Variants in CSNK2A2IP observed in about 807,000 individuals in gnomAD.
CSNK2A2IP encodes casein kinase 2 subunit alpha' interacting protein.
At chr3:88,451,426 GT>G in the CSNK2A2IP span, among the ~76,000 whole-genome samples, 55,604 of 148,388 alleles carry the variant, frequency 0.37, 10,756 homozygotes, top group East Asian at 0.67. Context: ...TAAAATCAGG[GT>G]TTTTTTTTTT....
the CSNK2A2IP span, among the ~76,000 whole-genome samples, chr3:88,448,378 T>A: frequency 6.6e-6 from 1 of 152,212 alleles, no homozygotes; most frequent in East Asian, 1.9e-4. Context: ...TCTGTAACTA[T>A]GTATTTATAC....
At chr3:88,446,466 T>A in the CSNK2A2IP span, among the ~76,000 whole-genome samples, 1 of 152,208 alleles carries the variant, frequency 6.6e-6, no homozygotes, top group Non-Finnish European at 1.5e-5. Context: ...TGTAACTGTA[T>A]AGGAGAACAT....
the CSNK2A2IP span, among the ~76,000 whole-genome samples, chr3:88,387,036 A>G: frequency 6.6e-6 from 1 of 152,170 alleles, no homozygotes; most frequent in Non-Finnish European, 1.5e-5. Flanking sequence ...GTCAACAGGA[A>G]ACATGAAGAT....
chr3:88,447,065 T>C, the CSNK2A2IP span, among the ~76,000 whole-genome samples: 26 of 152,290 alleles, frequency 1.7e-4, no homozygotes, highest in Non-Finnish European at 3.2e-4. Flanking sequence ...ATTATTTTGG[T>C]AAATGACCAA....
At chr3:88,342,455 T>G in the CSNK2A2IP span, among the ~76,000 whole-genome samples, 1 of 151,950 alleles carries the variant, frequency 6.6e-6, no homozygotes. Flanking sequence ...CCATTTTCTG[T>G]AGGTCACTTT....
At chr3:88,461,629 A>G in the CSNK2A2IP span, among the ~76,000 whole-genome samples, 2 of 152,102 alleles carry the variant, frequency 1.3e-5, no homozygotes, top group African/African-American at 4.8e-5. Flanking sequence ...TCAACTTAAC[A>G]TTTTCACCAG....
chr3:88,410,702 C>T, the CSNK2A2IP span, among the ~76,000 whole-genome samples: 3 of 151,832 alleles, frequency 2.0e-5, no homozygotes, highest in African/African-American at 4.8e-5. Flanking sequence ...ATGAATTTAA[C>T]GATTGTTAAA....
chr3:88,452,171 G>A, the CSNK2A2IP span, among the ~76,000 whole-genome samples: 2 of 138,596 alleles, frequency 1.4e-5, no homozygotes, highest in African/African-American at 5.1e-5. Context: ...TTTTGAACTC[G>A]GTTTAGATTT....
the CSNK2A2IP span, among the ~76,000 whole-genome samples, chr3:88,435,238 G>A: frequency 0.36 from 54,569 of 151,720 alleles, 11,017 homozygotes; most frequent in Non-Finnish European, 0.47. Context: ...TACCTATTTT[G>A]TCCTCCACTC....
chr3:88,421,201 G>C, the CSNK2A2IP span, among the ~76,000 whole-genome samples: 1 of 151,954 alleles, frequency 6.6e-6, no homozygotes, highest in Admixed American at 6.6e-5. Flanking sequence ...TAATCATTGA[G>C]AGAAGGCACT....
the CSNK2A2IP span, among the ~76,000 whole-genome samples, chr3:88,461,170 G>A: frequency 2.0e-5 from 3 of 152,188 alleles, no homozygotes; most frequent in East Asian, 5.8e-4. Flanking sequence ...CGTAATTACT[G>A]AAGAACTATA....
chr3:88,375,167 G>A, the CSNK2A2IP span, among the ~76,000 whole-genome samples: 6 of 151,706 alleles, frequency 4.0e-5, no homozygotes, highest in Admixed American at 6.6e-5. Flanking sequence ...GCTCTATTCT[G>A]AATGACTTTC....
chr3:88,416,946 C>T, the CSNK2A2IP span, among the ~76,000 whole-genome samples: 647 of 151,936 alleles, frequency 4.3e-3, 5 homozygotes, highest in African/African-American at 0.014. Flanking sequence ...ATTTACAGCA[C>T]TATGAGTGTC....
At chr3:88,423,740 G>A in the CSNK2A2IP span, among the ~76,000 whole-genome samples, 3 of 152,088 alleles carry the variant, frequency 2.0e-5, no homozygotes, top group Non-Finnish European at 4.4e-5. Context: ...TAAAAAAGGT[G>A]GCAGTTTAGA....
chr3:88,378,344 A>G, the CSNK2A2IP span, among the ~76,000 whole-genome samples: 8 of 151,852 alleles, frequency 5.3e-5, no homozygotes, highest in Admixed American at 1.3e-4. Context: ...ACTTCTGAAT[A>G]CATCAAAATT....
the CSNK2A2IP span, among the ~76,000 whole-genome samples, chr3:88,439,200 C>T: frequency 6.6e-6 from 1 of 152,190 alleles, no homozygotes; most frequent in African/African-American, 2.4e-5. Flanking sequence ...TGCCTTGTTA[C>T]CAGTATTACT....
the CSNK2A2IP span, among the ~76,000 whole-genome samples, chr3:88,440,965 T>C: frequency 6.6e-6 from 1 of 152,218 alleles, no homozygotes; most frequent in Non-Finnish European, 1.5e-5. Context: ...GATTCAATTG[T>C]TATTTGCAGG....
At chr3:88,389,502 G>A in the CSNK2A2IP span, among the ~76,000 whole-genome samples, 7 of 152,328 alleles carry the variant, frequency 4.6e-5, no homozygotes, top group African/African-American at 1.2e-4. Context: ...ATAGGCCATC[G>A]TAAGGATGCT....
the CSNK2A2IP span, among the ~76,000 whole-genome samples, chr3:88,404,620 G>A: frequency 8.2e-6 from 1 of 122,318 alleles, no homozygotes; most frequent in African/African-American, 2.7e-5. Flanking sequence ...CTAGAAACAC[G>A]ACTTTATAAC....
Sources: gnomAD v4.1 joint callset for allele counts (sites outside exome capture counted in the v4.1 genomes callset) on GRCh38, gnomAD v4.1.1 for gene constraint, MANE v1.5 for transcripts, NCBI Gene and HGNC (gene_info 2026-07-23, HGNC 2026-07-21) for gene names.